The following DDX42 variants were observed in gnomAD, a reference collection of about 807,000 sequenced individuals.
The protein encoded by DDX42 is ATP-dependent RNA helicase DDX42.
A neutral mutation model predicts 101.5 loss-of-function variants in DDX42; 22 were observed. The observed-to-expected ratio is 0.22, with a 90% CI of 0.15 to 0.31. The LOEUF (loss-of-function observed/expected upper bound fraction) is 0.31. DDX42 is among the 10% of genes least tolerant of loss of function. The pLI is 1.00. For missense variants in DDX42, 849 were observed against 1,199.9 expected, an observed-to-expected ratio of 0.71 and a Z score of 4.32; for synonymous variants, 402 against 401.2, an observed-to-expected ratio of 1.00 and a Z score of -0.02.
At chr17:63,776,995 C>G (rs1384521357) in intron 1 of DDX42, among the ~76,000 whole-genome samples, 1 of 152,102 alleles carries the variant, frequency 6.6e-6, no homozygotes, top group Non-Finnish European at 1.5e-5. Flanking sequence ...TAACCTGGAA[C>G]TCCTGGGTTC....
Position 63,805,194 on chromosome 17 carries a change from A to G in DDX42, c.726+19A>G, listed in dbSNP as rs1376617802. Reference sequence around the variant, plus strand: ...TCTTCGGGTAAGCATCATTAAGCTCAATATTCTTAATATTAATGTTAATTA... The same window carrying G: ...TCTTCGGGTAAGCATCATTAAGCTCGATATTCTTAATATTAATGTTAATTA... On this transcript the variant is annotated intron_variant, in intron 7 of 17. Transcript: ENST00000389924. 3 of 1,605,050 alleles carry G rather than the reference A, an allele frequency of 1.9e-6. No individual in the cohort carries two copies. The highest frequency in any genetic ancestry group is 1.3e-5 in the African/African-American group (1 of 74,450).
At chr17:63,811,217 C>A in intron 13 of DDX42, 44 bp downstream of exon 13, 2 of 1,379,132 alleles carry the variant, frequency 1.5e-6, no homozygotes, top group Non-Finnish European at 2.0e-6. Flanking sequence ...GGGTTTATTT[C>A]TCATATTATG....
At position 63,817,762 on chromosome 17, in the gene DDX42, G is replaced by A. The variant is rs761002499; in HGVS notation, c.2181G>A (p.Gly727=). The A allele has an allele frequency of 1.2e-6, 2 of 1,614,180 alleles. No homozygotes were observed. Among genetic ancestry groups the A allele is most frequent in the Non-Finnish European group, 8.5e-7 (1 of 1,180,038 alleles). The change falls in exon 18 of 18, where the codon GGG becomes GGA. Residue 727 remains glycine, a synonymous_variant. Transcript: ENST00000389924. ...SNQKAGSSAA[G]ASGWTSAGSL... is the part of the protein sequence containing the mutation. ...AGAAGGCTGGAAGTTCTGCTGCTGG[G>A]GCAAGTGGGTGGACTAGTGCAGGGA...
intron 13 of DDX42, 75 bp downstream of exon 13, chr17:63,811,248 A>C: frequency 7.8e-5 from 87 of 1,115,688 alleles, no homozygotes; most frequent in Non-Finnish European, 1.0e-4. Flanking sequence ...TTAATTTCTC[A>C]CTATTGAGAT....
chr17:63,811,896 A>G lies in DDX42; in HGVS notation c.1399-36A>G, dbSNP rs752745698. 4.2e-5 allele frequency: 67 copies of G among 1,613,734 alleles called. 1 individual carries two copies. Among genetic ancestry groups the G allele is most frequent in the South Asian group, 2.4e-4 (22 of 91,086 alleles). ...CTTGTTCAGGTGCCCTGTGGCTCCA[A>G]TGTCACAATCATCTGTTTCATTTCT... On this transcript the variant is annotated intron_variant, in intron 13 of 17. Coordinates refer to ENST00000389924, the MANE Select transcript of DDX42 (RefSeq NM_203499.3).
chr17:63,802,634 G>A (rs2039785766), intron 6 of DDX42, among the ~76,000 whole-genome samples: 1 of 152,122 alleles, frequency 6.6e-6, no homozygotes, highest in Non-Finnish European at 1.5e-5. Context: ...ATTCAGGCTG[G>A]GTATGGTGGC....
chr17:63,793,338 GC>G (rs1251822836), intron 3 of DDX42, among the ~76,000 whole-genome samples: 1 of 151,524 alleles, frequency 6.6e-6, no homozygotes, highest in Non-Finnish European at 1.5e-5. Context: ...TATGATCATG[GC>G]TCACTGCAGC....
intron 17 of DDX42, 107 bp from the exon 18 acceptor site, chr17:63,817,587 G>A (rs2039991764): frequency 2.7e-6 from 3 of 1,099,638 alleles, no homozygotes; most frequent in Non-Finnish European, 3.9e-6. Context: ...AACTCACAGT[G>A]CCAGGATAGC....
chr17:63,790,139 T>A (rs1339761386), intron 2 of DDX42, among the ~76,000 whole-genome samples: 1 of 152,094 alleles, frequency 6.6e-6, no homozygotes, highest in Non-Finnish European at 1.5e-5. Flanking sequence ...AGAGTGAGAC[T>A]CTGTCTCTAA....
Position 63,807,738 on chromosome 17 carries a change from A to G in DDX42, c.861A>G (p.Ala287=), listed in dbSNP as rs2039860251. The change falls in exon 9 of 18, where the codon GCA becomes GCG. Residue 287 remains alanine, a synonymous_variant. Transcript: ENST00000389924. ...TPIQCQGVPV[A]LSGRDMIGIA... ...TTTTTCTCCAGGGTGTGCCTGTGGC[A>G]TTAAGTGGTAGAGACATGATTGGTA... 3 of 1,613,104 alleles carry G rather than the reference A, an allele frequency of 1.9e-6. No individual in the cohort carries two copies. Among genetic ancestry groups the G allele is most frequent in the Non-Finnish European group, 2.5e-6 (3 of 1,179,716 alleles).
chr17:63,794,562 T>C (rs75088310), intron 3 of DDX42, among the ~76,000 whole-genome samples: 1,919 of 151,638 alleles, frequency 0.013, 23 homozygotes, highest in Non-Finnish European at 0.018. Flanking sequence ...CTCACACCTA[T>C]AACCCCCAGT....
intron 6 of DDX42, among the ~76,000 whole-genome samples, chr17:63,803,112 C>T (rs2039792896): frequency 1.3e-5 from 2 of 151,934 alleles, no homozygotes; most frequent in Admixed American, 1.3e-4. Flanking sequence ...CAATATTTTC[C>T]AAATGATCAA....
chr17:63,812,133 C>T lies in DDX42; in HGVS notation c.1600C>T (p.Gln534Ter). 6.2e-7 allele frequency: 1 copy of T among 1,614,218 alleles called. No individual in the cohort carries two copies. The highest frequency in any genetic ancestry group is 8.5e-7 in the Non-Finnish European group (1 of 1,180,048). Residue 534 changes from glutamine (Q) to a stop codon, truncating the protein, a stop_gained, in exon 14 of 18, where the codon CAG (glutamine) becomes TAG (stop). Coordinates refer to ENST00000389924, the MANE Select transcript of DDX42 (RefSeq NM_203499.3). LOFTEE classifies it high-confidence loss of function. ...TGGGCTGCTCCATGGGGATATGGAT[C>T]AGAGTGAGAGAAACAAGGTCATTTC... ...NLGLLHGDMD[Q>*]SERNKVISDF... is the part of the protein sequence containing the mutation.
intron 13 of DDX42, chr17:63,811,644 T>G: frequency 1.9e-6 from 1 of 520,916 alleles, no homozygotes; most frequent in Non-Finnish European, 3.5e-6. Flanking sequence ...GGACTTGGAA[T>G]TCAGTTATGG....
chr17:63,806,438 T>G, intron 7 of DDX42, 97 bp from the exon 8 acceptor site: 12 of 1,351,138 alleles, frequency 8.9e-6, no homozygotes, highest in Non-Finnish European at 1.2e-5. Context: ...TACTTCATAC[T>G]CCAGCTAAAA....
intron 1 of DDX42, among the ~76,000 whole-genome samples, chr17:63,779,007 C>G (rs1230931435): frequency 6.6e-6 from 1 of 152,130 alleles, no homozygotes; most frequent in Non-Finnish European, 1.5e-5. Flanking sequence ...ATAACAAAAT[C>G]ATCAGTGGTT....
chr17:63,797,980 A>G, intron 3 of DDX42, 58 bp from the exon 4 acceptor site: 9 of 1,523,080 alleles, frequency 5.9e-6, no homozygotes, highest in Non-Finnish European at 8.0e-6. Context: ...CAATCTAAAA[A>G]TTGTTTCTTT....
rs1286563868 is a variant in DDX42, at chr17:63,792,656, G to A, written c.372+94G>A. 1.0e-5 allele frequency: 14 copies of A among 1,359,132 alleles called. No homozygotes were observed. In the Admixed American group the frequency reaches 3.8e-4, roughly 37 times the overall value. 84.2% of individuals were successfully genotyped at this position (1,359,132 alleles called of 1,614,324 possible). On this transcript the variant is annotated intron_variant, in intron 3 of 17. Coordinates refer to ENST00000389924, the MANE Select transcript of DDX42 (RefSeq NM_203499.3). ...AATCTTATTCAAAATTTGTTTTCTA[G>A]TCTTATTATTTTTTTTTTTTTGAGA...
In DDX42 at chr17:63,787,285, C is replaced by G; in HGVS notation, c.221+15C>G. The G allele has an allele frequency of 6.2e-7, 1 of 1,612,978 alleles. No homozygotes were observed. ...GAAGAAAATGCGTAAGTGGTAATTC[C>G]TGGTAGTGTAGCAAAGTTTGGACTT... On this transcript the variant is annotated intron_variant, in intron 2 of 17. Coordinates refer to ENST00000389924, the MANE Select transcript of DDX42 (RefSeq NM_203499.3).
Sources: gnomAD v4.1 joint callset for allele counts (sites outside exome capture counted in the v4.1 genomes callset) on GRCh38, gnomAD v4.1.1 for gene constraint, MANE v1.5 for transcripts, NCBI Gene and HGNC (gene_info 2026-07-23, HGNC 2026-07-21) for gene names.